CPNE7: variants seen among roughly 807,000 people sequenced by gnomAD.
The protein encoded by CPNE7 is copine 7.
Under a neutral mutation model 66.5 loss-of-function variants are expected in CPNE7, and 78 were observed. The observed-to-expected ratio is 1.17, with a 90% CI of 0.98 to 1.42. The LOEUF (loss-of-function observed/expected upper bound fraction) is 1.42, where lower values mean the gene tolerates loss of function less well. Ranked by LOEUF, CPNE7 falls within the 40% of genes most tolerant of loss-of-function variation. CPNE7 has a pLI of 0.00. For synonymous variants in CPNE7, 468 were observed against 336.7 expected (o/e 1.39, Z -4.27); for missense variants, 1,012 against 776.6 (o/e 1.30, Z -3.60).
chr16:89,591,323 T>G, intron 13 of CPNE7, 63 bp downstream of exon 13: 1 of 1,474,870 alleles, frequency 6.8e-7, no homozygotes, highest in Non-Finnish European at 9.0e-7. Flanking sequence ...CACCAGCGCG[T>G]GGACGTCAGG....
intron 9 of CPNE7, among the ~76,000 whole-genome samples, chr16:89,587,308 A>ACACCGGGACC (rs2059068383): frequency 0.025 from 4 of 158 alleles, 2 homozygotes; most frequent in Admixed American, 0.12. Flanking sequence ...GGCCCCGCCC[A>ACACCGGGACC]TCCCCGCCCC....
In CPNE7 at chr16:89,584,460, G is replaced by T. The variant is rs1409446111; in HGVS notation, c.508-314G>T. ...GCTCGTCACGTGGGTGGGCAGAACA[G>T]GGTCCAACCCCGCCATGTAGGGCGT... On this transcript the variant is annotated intron_variant, in intron 4 of 14. Transcript: ENST00000319518. The surrounding 1 kb of genome is among the most constrained non-coding windows in gnomAD (Gnocchi z 6.0). Among the ~76,000 whole-genome samples, 1 of 152,226 alleles carries T rather than the reference G, an allele frequency of 6.6e-6. No homozygotes were observed. The highest frequency in any genetic ancestry group is 2.4e-5 in the African/African-American group (1 of 41,458).
rs28612599 is a variant in CPNE7, at chr16:89,588,816, C to A, written c.1061+8C>A. On this transcript the variant is annotated splice_region_variant and intron_variant, in intron 10 of 14. Coordinates refer to ENST00000319518, the MANE Select transcript of CPNE7 (RefSeq NM_153636.3). ...CTGCCAGGACTATGACAGGTGCGCCCACCACCTTCCCCTCACCCCCTGGTC... is the reference window on the plus strand; with the variant it reads ...CTGCCAGGACTATGACAGGTGCGCCAACCACCTTCCCCTCACCCCCTGGTC... 8 of 1,612,872 alleles carry A rather than the reference C, an allele frequency of 5.0e-6. No individual in the cohort carries two copies. Among genetic ancestry groups the A allele is most frequent in the African/African-American group, 1.3e-5 (1 of 74,892 alleles).
At chr16:89,589,135 T>C (rs1009872914) in intron 10 of CPNE7, among the ~76,000 whole-genome samples, 11 of 151,942 alleles carry the variant, frequency 7.2e-5, no homozygotes, top group Non-Finnish European at 1.2e-4. Flanking sequence ...CTACTGAAAA[T>C]ACAAAAATTA....
Position 89,584,179 on chromosome 16 carries a change from G to A in CPNE7, c.507+77G>A. The A allele has an allele frequency of 2.8e-6, 4 of 1,446,564 alleles. No individual in the cohort carries two copies. Among genetic ancestry groups the A allele is most frequent in the South Asian group, 2.5e-5 (2 of 81,046 alleles). The allele number at this position is 1,446,564 out of a possible 1,614,324, so 89.6% of individuals were successfully genotyped here. ...TTCGAAAACCCGGTCCCTGCCCAGC[G>A]CTGACCTCGCGTGGCTATGTCCCGT... On this transcript the variant is annotated intron_variant, in intron 4 of 14. Transcript: ENST00000319518. The surrounding 1 kb of genome is among the most constrained non-coding windows in gnomAD (Gnocchi z 6.0).
chr16:89,586,532 C>G (rs533715438), intron 7 of CPNE7, 138 bp from the exon 8 acceptor site: 1 of 661,382 alleles, frequency 1.5e-6, no homozygotes, highest in Non-Finnish European at 2.7e-6. Context: ...CTTCCTGCTG[C>G]CCTGCAGCAG....
Position 89,596,508 on chromosome 16 carries a change from T to C in CPNE7, c.1564T>C (p.Cys522Arg), listed in dbSNP as rs758055847. 1.1e-5 allele frequency: 18 copies of C among 1,609,612 alleles called. No individual in the cohort carries two copies. In the African/African-American group the frequency reaches 2.4e-4, roughly 21 times the overall value. The change falls in exon 15 of 15, where the codon TGC (cysteine) becomes CGC (arginine). Residue 522 changes from cysteine (C) to arginine (R), a missense_variant. By Grantham distance (180) the Cys-to-Arg change is radical. Coordinates refer to ENST00000319518, the MANE Select transcript of CPNE7 (RefSeq NM_153636.3). ...KNASPAALAK[C>R]VLAEVPKQVV... ...GGCATCCCCTGCGGCGCTGGCCAAG[T>C]GCGTGCTGGCCGAGGTCCCGAAGCA...
Position 89,596,645 on chromosome 16 carries a change from G to A in CPNE7, c.*24G>A, listed in dbSNP as rs752242126. On this transcript the variant is annotated 3_prime_UTR_variant, in exon 15 of 15. Coordinates refer to ENST00000319518, the MANE Select transcript of CPNE7 (RefSeq NM_153636.3). ...GAAGATGTGGAGGGCGTAGGGTGGG[G>A]GCAGTGAGGAATGGGTCCGTACAGC... 3 of 1,574,626 alleles carry A rather than the reference G, an allele frequency of 1.9e-6. No individual in the cohort carries two copies. In the South Asian group the frequency reaches 3.4e-5, roughly 18 times the overall value.
At chr16:89,590,731 G>C (rs992942658) in intron 11 of CPNE7, among the ~76,000 whole-genome samples, 4 of 134,626 alleles carry the variant, frequency 3.0e-5, no homozygotes, top group African/African-American at 1.1e-4. Context: ...TCAGTAGGTG[G>C]GGGACATGGG....
chr16:89,585,686 G>T lies in CPNE7; in HGVS notation c.682-1G>T. The T allele has an allele frequency of 6.4e-7, 1 of 1,553,682 alleles. No homozygotes were observed. The highest frequency in any genetic ancestry group is 2.4e-5 in the East Asian group (1 of 41,116). On this transcript the variant is annotated splice_acceptor_variant, in intron 6 of 14. Coordinates refer to ENST00000319518, the MANE Select transcript of CPNE7 (RefSeq NM_153636.3). LOFTEE classifies it high-confidence loss of function. ...GTGCTGAGGAGGACTGGGCTCCCCA[G>T]TGCCTGGTCTGGGATTACGACTCTC...
In CPNE7 at chr16:89,588,791, C is replaced by T. The variant is rs372438215; in HGVS notation, c.1044C>T (p.Ile348=). The change falls in exon 10 of 15, where the codon ATC becomes ATT. Residue 348 remains isoleucine (I), a synonymous_variant. Coordinates refer to ENST00000319518, the MANE Select transcript of CPNE7 (RefSeq NM_153636.3). ...YLKALVSVGE[I]CQDYDSDKRF... ...AGGCACTGGTGTCCGTGGGCGAGAT[C>T]TGCCAGGACTATGACAGGTGCGCCC... The T allele has an allele frequency of 3.7e-6, 6 of 1,613,502 alleles. No homozygotes were observed. The highest frequency in any genetic ancestry group is 8.5e-7 in the Non-Finnish European group (1 of 1,179,926).
rs2058852065 is a variant in CPNE7 at position 89,575,869 on chromosome 16, G to A, written c.-29G>A. 2.5e-6 allele frequency: 3 copies of A among 1,193,430 alleles called. No individual in the cohort carries two copies. Among genetic ancestry groups the A allele is most frequent in the Non-Finnish European group, 3.1e-6 (3 of 963,468 alleles). 73.9% of individuals were successfully genotyped at this position (1,193,430 alleles called of 1,614,324 possible). A position where few individuals can be genotyped will look rare whatever the true frequency, so the allele number is the denominator to read the frequency against. On this transcript the variant is annotated 5_prime_UTR_variant, in exon 1 of 15. Coordinates refer to ENST00000319518, the MANE Select transcript of CPNE7 (RefSeq NM_153636.3). The stretch of plus-strand genomic sequence containing the variant: ...CTCGCGGGCAGCGGCCCCTCAGTGC[G>A]CCCAGCCGGGCCCCCGAACGCCGGG...
chr16:89,593,406 G>A (rs558745585), intron 13 of CPNE7, among the ~76,000 whole-genome samples: 1 of 150,966 alleles, frequency 6.6e-6, no homozygotes, highest in Admixed American at 6.6e-5. Context: ...AGGCTGGAGT[G>A]CAGTGGCGCG....
chr16:89,578,790 G>C lies in CPNE7; in HGVS notation c.357+1069G>C, dbSNP rs541935172. ...AAAAAAAAAAAAAAGAAGCCTCCTTGTGAGCAGCAGGTCCTACGGTGGCCA... is the reference window on the plus strand; with the variant it reads ...AAAAAAAAAAAAAAGAAGCCTCCTTCTGAGCAGCAGGTCCTACGGTGGCCA... On this transcript the variant is annotated intron_variant, in intron 2 of 14. Coordinates refer to ENST00000319518, the MANE Select transcript of CPNE7 (RefSeq NM_153636.3). The C allele has an allele frequency of 2.7e-6, 4 of 1,457,250 alleles. No individual in the cohort carries two copies. In the Admixed American group the frequency reaches 7.3e-5, roughly 27 times the overall value. The allele number at this position is 1,457,250 out of a possible 1,614,324, so 90.3% of individuals were successfully genotyped here. A position where few individuals can be genotyped will look rare whatever the true frequency, so the allele number is the denominator to read the frequency against.
At chr16:89,585,020 G>A (rs888888539) in intron 5 of CPNE7, among the ~76,000 whole-genome samples, 163 bp downstream of exon 5, 11 of 151,986 alleles carry the variant, frequency 7.2e-5, no homozygotes, top group East Asian at 5.8e-4. Flanking sequence ...AGCCGCAGGC[G>A]CAGGGCCCTG....
At chr16:89,578,281 T>G (rs1422358789) in intron 2 of CPNE7, among the ~76,000 whole-genome samples, 1 of 151,772 alleles carries the variant, frequency 6.6e-6, no homozygotes, top group Non-Finnish European at 1.5e-5. Context: ...GTCAGGCTGC[T>G]CTTGAAATCC....
intron 2 of CPNE7, chr16:89,578,858 C>T: frequency 6.2e-7 from 1 of 1,610,658 alleles, no homozygotes; most frequent in South Asian, 1.1e-5. Context: ...CCTCCACAGC[C>T]AGCCCAAAAG....
chr16:89,586,997 C>T (rs1162323870), intron 8 of CPNE7, 46 bp from the exon 9 acceptor site: 2 of 1,545,522 alleles, frequency 1.3e-6, no homozygotes, highest in African/African-American at 1.4e-5. Flanking sequence ...TGGCACTGGC[C>T]TCAGTGTCCC....
Position 89,591,270 on chromosome 16 carries a change from C to A in CPNE7, c.1302+10C>A. On this transcript the variant is annotated intron_variant, in intron 13 of 14. Coordinates refer to ENST00000319518, the MANE Select transcript of CPNE7 (RefSeq NM_153636.3). The stretch of plus-strand genomic sequence containing the variant: ...CACCGGGAAAGCCTCTGTAGGTGCC[C>A]GGGGGGTGTGGTGCATGCTTGGTGT... 1.3e-6 allele frequency: 2 copies of A among 1,562,224 alleles called. No individual in the cohort carries two copies. The highest frequency in any genetic ancestry group is 4.6e-5 in the East Asian group (2 of 43,402).
Sources: allele counts gnomAD v4.1 joint callset (sites outside exome capture counted in the v4.1 genomes callset), GRCh38; gene constraint gnomAD v4.1.1; non-coding constraint Gnocchi (gnomAD v3.1); transcripts MANE v1.5; gene names NCBI Gene and HGNC (gene_info 2026-07-23, HGNC 2026-07-21).